AKR1C2: variants seen among roughly 807,000 people sequenced by gnomAD.
The protein encoded by AKR1C2 is aldo-keto reductase family 1 member C2, also known as 3-alpha-HSD3.
A neutral mutation model predicts 39.8 loss-of-function variants in AKR1C2; 27 were observed. That is an observed-to-expected ratio of 0.68 (90% CI 0.50 to 0.93). AKR1C2 has a LOEUF of 0.93. Among genes scored for constraint, AKR1C2 ranks in the 40% least tolerant of loss-of-function variants. The probability of loss-of-function intolerance (pLI) is 0.00; values close to 1 mark genes in which losing one functional copy is unlikely to be tolerated. For missense variants in AKR1C2, 263 were observed against 365.1 expected (o/e 0.72, Z 2.28); for synonymous variants, 114 against 137.9 (o/e 0.83, Z 1.22).
intron 1 of AKR1C2, among the ~76,000 whole-genome samples, chr10:5,016,482 C>A (rs186072256): frequency 4.8e-4 from 73 of 152,314 alleles, no homozygotes; most frequent in Non-Finnish European, 7.1e-4. Context: ...TCTATTGACT[C>A]CATGTCTCAT....
intron 5 of AKR1C2, among the ~76,000 whole-genome samples, chr10:4,998,181 C>T (rs1459214638): frequency 2.0e-5 from 3 of 150,578 alleles, no homozygotes; most frequent in Non-Finnish European, 3.0e-5. Context: ...CTGAGACATC[C>T]GAAGCCCATG....
chr10:5,005,242 A>T (rs1554774289), upstream of AKR1C2, among the ~76,000 whole-genome samples: 1 of 150,122 alleles, frequency 6.7e-6, no homozygotes, highest in Non-Finnish European at 1.5e-5. Context: ...TCAGAAACAA[A>T]CTAAGAAGGA....
chr10:5,009,455 C>A (rs1837474685), intron 1 of AKR1C2, among the ~76,000 whole-genome samples: 1 of 152,096 alleles, frequency 6.6e-6, no homozygotes, highest in Non-Finnish European at 1.5e-5. Context: ...GATAGGTCAA[C>A]AAGCAGGGGA....
chr10:4,993,661 T>C (rs1433522794), intron 7 of AKR1C2, among the ~76,000 whole-genome samples: 3 of 152,036 alleles, frequency 2.0e-5, no homozygotes, highest in Non-Finnish European at 4.4e-5. Context: ...TGTGAAAACA[T>C]AACCACAGAG....
chr10:4,998,662 T>G lies in AKR1C2; in HGVS notation c.533A>C (p.Asn178Thr), dbSNP rs563332765. The G allele has an allele frequency of 3.3e-5, 53 of 1,614,188 alleles. 1 individual carries two copies. In the South Asian group the frequency reaches 5.5e-4, roughly 17 times the overall value. The change falls in exon 5 of 9, where the codon AAC (asparagine) becomes ACC (threonine). Residue 178 changes from asparagine (N) to threonine (T), a missense_variant. By Grantham distance (65) the Asn-to-Thr change is moderately conservative (BLOSUM62 0). Coordinates refer to ENST00000380753, the MANE Select transcript of AKR1C2 (RefSeq NM_001393392.1). Reference protein sequence around the residue: ...FNHRLLEMILNKPGLKYKPVC... With the variant: ...FNHRLLEMILTKPGLKYKPVC... ...AGGCTTGTACTTGAGCCCTGGCTTGTTGAGGATCATCTCCAGCAGCCTGTG... is the reference window on the plus strand; with the variant it reads ...AGGCTTGTACTTGAGCCCTGGCTTGGTGAGGATCATCTCCAGCAGCCTGTG...
At chr10:5,004,564 A>G (rs1837358662), upstream of AKR1C2, 2 of 152,172 alleles carry the variant, frequency 1.3e-5, no homozygotes, top group South Asian at 4.1e-4. Flanking sequence ...ACAGTGCCTT[A>G]TTGGTCTTTT....
intron 1 of AKR1C2, among the ~76,000 whole-genome samples, chr10:5,010,131 T>C (rs1837487756): frequency 6.9e-6 from 1 of 145,598 alleles, no homozygotes; most frequent in Non-Finnish European, 1.5e-5. Context: ...TCAAGCCGTC[T>C]GCAGATGGCA....
chr10:5,010,459 T>G (rs1271899213), intron 1 of AKR1C2: 1 of 152,154 alleles, frequency 6.6e-6, no homozygotes, highest in Non-Finnish European at 1.5e-5. Flanking sequence ...TGTATTGATG[T>G]CATCCTCAGG....
At chr10:4,995,158 G>A (rs1232551680) in intron 7 of AKR1C2, among the ~76,000 whole-genome samples, 161 bp downstream of exon 7, 1 of 122,050 alleles carries the variant, frequency 8.2e-6, no homozygotes, top group Non-Finnish European at 1.7e-5. Flanking sequence ...TGCCTCTCCT[G>A]TGCTAGAGTA....
At position 4,991,900 on chromosome 10, in the gene AKR1C2, T is replaced by A. The variant is rs1399524988; in HGVS notation, c.860A>T (p.Gln287Leu). 2 of 527,518 alleles carry A rather than the reference T, an allele frequency of 3.8e-6. No individual in the cohort carries two copies. The highest frequency in any genetic ancestry group is 4.5e-5 in the South Asian group (2 of 44,390). The allele number at this position is 527,518 out of a possible 1,614,324, so 32.7% of individuals were successfully genotyped here. Residue 287 changes from glutamine to leucine, a missense_variant, in exon 8 of 9, where the codon CAG (glutamine) becomes CTG (leucine). Around this residue, in one of 3 missense-constraint regions of AKR1C2, gnomAD observed 11 missense variants for 23.2 expected, o/e 0.47. Coordinates refer to ENST00000380753, the MANE Select transcript of AKR1C2 (RefSeq NM_001393392.1). ...IRQNVQVFEF[Q>L]LTSEEMKAID... ...GGCTTTCATCTCCTCTGAAGTCAACTGGAATTCAAACACCTATCAAAGTAA... is the reference window on the plus strand; with the variant it reads ...GGCTTTCATCTCCTCTGAAGTCAACAGGAATTCAAACACCTATCAAAGTAA...
rs368784539 is a variant in AKR1C2, at chr10:5,017,473, A to T, written c.-88+427T>A. Among the ~76,000 whole-genome samples, 17 of 152,314 alleles carry T rather than the reference A, an allele frequency of 1.1e-4. No individual in the cohort carries two copies. The East Asian group carries it at 2.5e-3, about 22-fold the overall frequency. ...AGATCTCTAGGGTAGGAACACGATG[A>T]TGCCAATCTTTTTGCTAAAGCATAG... On this transcript the variant is annotated intron_variant, in intron 1 of 6. Coordinates refer to the AKR1C2 transcript ENST00000604507.
At chr10:4,993,537 A>T (rs1363984584) in intron 7 of AKR1C2, among the ~76,000 whole-genome samples, 1 of 152,180 alleles carries the variant, frequency 6.6e-6, no homozygotes, top group East Asian at 1.9e-4. Flanking sequence ...CAATTTTGTA[A>T]GATAACACAG....
chr10:5,008,824 A>G (rs1837461694), upstream of AKR1C2, among the ~76,000 whole-genome samples: 1 of 152,274 alleles, frequency 6.6e-6, no homozygotes, highest in African/African-American at 2.4e-5. Flanking sequence ...CTCAACAAAT[A>G]CATATTGATA....
intron 1 of AKR1C2, among the ~76,000 whole-genome samples, chr10:5,003,106 G>A (rs1168620927): frequency 1.3e-5 from 2 of 151,368 alleles, no homozygotes; most frequent in Non-Finnish European, 2.9e-5. Context: ...TAATTTTCTT[G>A]TCAGAGAAAC....
rs201200808 is a variant in AKR1C2 at position 5,001,599 on chromosome 10, T to C, written c.167A>G (p.Asn56Ser). 3.7e-6 allele frequency: 6 copies of C among 1,614,056 alleles called. No individual in the cohort carries two copies. Among genetic ancestry groups the C allele is most frequent in the Non-Finnish European group, 4.2e-6 (5 of 1,179,900 alleles). ...FHHIDSAHVYNNEEQVGLAIR... is the reference protein window; with the variant it reads ...FHHIDSAHVYSNEEQVGLAIR... Reference sequence around the variant, plus strand: ...GGCCAGTCCAACCTGCTCCTCATTATTGTAAACATGTGCAGAATCAATATG... The same window carrying C: ...GGCCAGTCCAACCTGCTCCTCATTACTGTAAACATGTGCAGAATCAATATG... The change falls in exon 2 of 9, where the codon AAT becomes AGT. Residue 56 changes from asparagine (N) to serine (S), a missense_variant. Physicochemically the swap from Asn to Ser is conservative, Grantham distance 46. Coordinates refer to ENST00000380753, the MANE Select transcript of AKR1C2 (RefSeq NM_001393392.1).
chr10:4,992,426 CTAAA>C (rs1321847641), intron 7 of AKR1C2, among the ~76,000 whole-genome samples: 2 of 152,030 alleles, frequency 1.3e-5, no homozygotes, highest in African/African-American at 4.8e-5. Context: ...TTGGGAGACT[CTAAA>C]TATCAAAAAG....
rs571915490 is a variant in AKR1C2 at position 5,000,382 on chromosome 10, A to G, written c.369+168T>C. 6.4e-6 allele frequency: 10 copies of G among 1,553,842 alleles called. No homozygotes were observed. In the South Asian group the frequency reaches 9.5e-5, roughly 15 times the overall value. ...ATGCAATCACGGAAGTATGGATTCA[A>G]AATTGCTTTCTGTTCCATAGAAAGG... On this transcript the variant is annotated intron_variant, in intron 3 of 8. Transcript: ENST00000380753.
At chr10:4,993,967 A>G (rs1197258134) in intron 7 of AKR1C2, among the ~76,000 whole-genome samples, 1 of 151,664 alleles carries the variant, frequency 6.6e-6, no homozygotes, top group Admixed American at 6.6e-5. Flanking sequence ...AATGAATGCC[A>G]TTACCTAGAT....
intron 5 of AKR1C2, among the ~76,000 whole-genome samples, chr10:4,997,774 G>C (rs1386795467): frequency 1.3e-5 from 2 of 152,112 alleles, no homozygotes; most frequent in African/African-American, 4.8e-5. Context: ...AAAAATGTAA[G>C]TTACTGGGAA....
Sources: allele counts gnomAD v4.1 joint callset (sites outside exome capture counted in the v4.1 genomes callset), GRCh38; gene constraint gnomAD v4.1.1; regional missense constraint gnomAD v4.1.1; transcripts MANE v1.5; gene names NCBI Gene and HGNC (gene_info 2026-07-23, HGNC 2026-07-21).